Variants in SLC14A2 observed in about 807,000 individuals in gnomAD.
SLC14A2 encodes the protein solute carrier family 14 member 2, also known as urea transporter 2.
Under a neutral mutation model 104.6 loss-of-function variants are expected in SLC14A2, and 91 were observed. That is an observed-to-expected ratio of 0.87 (90% CI 0.73 to 1.04). SLC14A2 has a LOEUF of 1.04. Ranked by LOEUF, SLC14A2 falls within the 50% of genes least tolerant of loss-of-function variation. The pLI is 0.00. For missense variants in SLC14A2, 1,189 were observed against 1,156.0 expected (o/e 1.03, Z -0.41); for synonymous variants, 476 against 466.4 (o/e 1.02, Z -0.27).
intron 2 of SLC14A2, among the ~76,000 whole-genome samples, chr18:45,593,736 A>T (rs1193679164): frequency 6.6e-6 from 1 of 151,884 alleles, no homozygotes; most frequent in Non-Finnish European, 1.5e-5. Context: ...TGATCCGTCC[A>T]CCTCGGCCTC....
intron 1 of SLC14A2, among the ~76,000 whole-genome samples, chr18:45,275,928 T>A (rs1020623103): frequency 1.2e-4 from 18 of 152,276 alleles, no homozygotes; most frequent in South Asian, 2.1e-4. Flanking sequence ...AAACAGAGAA[T>A]TAAAGAATAA....
chr18:45,592,038 A>G (rs73953213), intron 2 of SLC14A2, among the ~76,000 whole-genome samples: 3,133 of 152,278 alleles, frequency 0.021, 117 homozygotes, highest in African/African-American at 0.072. Context: ...CTCTATACCC[A>G]TGGCAGGGCA....
At chr18:45,444,768 G>A (rs957623304) in intron 1 of SLC14A2, among the ~76,000 whole-genome samples, 23 of 152,328 alleles carry the variant, frequency 1.5e-4, no homozygotes, top group African/African-American at 4.8e-4. Flanking sequence ...GAGCCGCACA[G>A]GTAGGTGTGC....
rs1402393051 is a variant in SLC14A2 at position 45,680,865 on chromosome 18, T to G, written c.2563-1454T>G. Among the ~76,000 whole-genome samples the G allele has an allele frequency of 2.0e-5, 3 of 152,308 alleles. No individual in the cohort carries two copies. The East Asian group carries it at 5.8e-4, about 29-fold the overall frequency. On this transcript the variant is annotated intron_variant, in intron 19 of 19. Transcript: ENST00000255226. ...ACTCCAAGGGTGCTTCCCAAACACT[T>G]TGTGCAGTCTTAGTGGGGCTTTGGA...
In SLC14A2 at chr18:45,663,895, A is replaced by T. The variant is rs1208530596; in HGVS notation, c.1462A>T (p.Arg488Trp). 6.2e-7 allele frequency: 1 copy of T among 1,612,772 alleles called. No individual in the cohort carries two copies. Among genetic ancestry groups the T allele is most frequent in the Non-Finnish European group, 8.5e-7 (1 of 1,179,574 alleles). ...TCACATCGAGTGGTCATCCATTCGGAGGAGGAGCAAAGGTGTGCATGTCCT... is the reference window on the plus strand; with the variant it reads ...TCACATCGAGTGGTCATCCATTCGGTGGAGGAGCAAAGGTGTGCATGTCCT... ...VFHIEWSSIR[R>W]RSKVFGKGEH... Residue 488 changes from arginine to tryptophan, a missense_variant, in exon 11 of 20, where the codon AGG becomes TGG. By Grantham distance (101) the Arg-to-Trp change is moderately radical. Coordinates refer to ENST00000255226, the MANE Select transcript of SLC14A2 (RefSeq NM_007163.4).
chr18:45,659,079 C>A (rs1268085450), intron 10 of SLC14A2, among the ~76,000 whole-genome samples: 1 of 152,146 alleles, frequency 6.6e-6, no homozygotes, highest in African/African-American at 2.4e-5. Flanking sequence ...GAGGGGAGAG[C>A]AGCAGCTCCT....
At chr18:45,349,101 C>T (rs1319789509) in intron 1 of SLC14A2, among the ~76,000 whole-genome samples, 1 of 152,154 alleles carries the variant, frequency 6.6e-6, no homozygotes, top group African/African-American at 2.4e-5. Context: ...CATGTTCTGC[C>T]CAATTTCTCT....
intron 2 of SLC14A2, among the ~76,000 whole-genome samples, chr18:45,544,344 C>T (rs937452824): frequency 6.6e-6 from 1 of 152,150 alleles, no homozygotes; most frequent in African/African-American, 2.4e-5. Flanking sequence ...TTTGCTTTGT[C>T]AATTAGTGTA....
intron 1 of SLC14A2, among the ~76,000 whole-genome samples, chr18:45,379,389 C>T (rs1017862657): frequency 6.6e-6 from 1 of 152,156 alleles, no homozygotes; most frequent in African/African-American, 2.4e-5. Flanking sequence ...CTGTGTGTGG[C>T]CTTTCCCATG....
chr18:45,422,529 G>A (rs1476870132), intron 1 of SLC14A2, among the ~76,000 whole-genome samples: 20 of 152,146 alleles, frequency 1.3e-4, no homozygotes, highest in Non-Finnish European at 8.8e-5. Context: ...GCGTGGAGAG[G>A]ACTAGTGGAA....
At chr18:45,329,454 T>C (rs2085268406) in intron 1 of SLC14A2, among the ~76,000 whole-genome samples, 1 of 152,084 alleles carries the variant, frequency 6.6e-6, no homozygotes, top group African/African-American at 2.4e-5. Flanking sequence ...CCTCTACAAA[T>C]AGAAAAGACT....
At chr18:45,572,594 A>T (rs1245616943) in intron 2 of SLC14A2, among the ~76,000 whole-genome samples, 1 of 152,106 alleles carries the variant, frequency 6.6e-6, no homozygotes, top group African/African-American at 2.4e-5. Context: ...CTCACTATTC[A>T]TCTATCTGTA....
At position 45,626,941 on chromosome 18, in the gene SLC14A2, C is replaced by T. The variant is rs201326870; in HGVS notation, c.332-17C>T. On this transcript the variant is annotated splice_polypyrimidine_tract_variant and intron_variant, in intron 3 of 19. Transcript: ENST00000255226. ...CCAAGCTGGACCTGCTGATGGCTCG[C>T]TCTCTGTCTCTTTCAGACAAGCACC... 5.6e-6 allele frequency: 9 copies of T among 1,601,886 alleles called. No homozygotes were observed. The East Asian group carries it at 2.0e-4, about 36-fold the overall frequency.
At chr18:45,178,699 CT>C in the SLC14A2 span, among the ~76,000 whole-genome samples, 22 of 152,254 alleles carry the variant, frequency 1.4e-4, no homozygotes, top group East Asian at 3.3e-3. Context: ...ATAATTACTG[CT>C]GCATGGAATA....
At chr18:45,245,665 T>C (rs1038861110) in intron 1 of SLC14A2, among the ~76,000 whole-genome samples, 30 of 151,422 alleles carry the variant, frequency 2.0e-4, no homozygotes, top group African/African-American at 7.3e-4. Context: ...GAAGGGAAGG[T>C]GTTTTCAGTA....
intron 1 of SLC14A2, among the ~76,000 whole-genome samples, chr18:45,371,782 GATT>G (rs1402041587): frequency 6.6e-6 from 1 of 152,162 alleles, no homozygotes; most frequent in East Asian, 1.9e-4. Context: ...CTTCATATCT[GATT>G]ATTTTCTTTA....
chr18:45,351,201 C>T (rs1014222678), intron 1 of SLC14A2, among the ~76,000 whole-genome samples: 1 of 152,078 alleles, frequency 6.6e-6, no homozygotes, highest in Non-Finnish European at 1.5e-5. Context: ...AGGAAAGGGA[C>T]CTTATATGAG....
chr18:45,201,674 C>G, the SLC14A2 span, among the ~76,000 whole-genome samples: 1 of 151,914 alleles, frequency 6.6e-6, no homozygotes, highest in Non-Finnish European at 1.5e-5. Flanking sequence ...TCCAAGGAGT[C>G]TTTGTTTGTT....
intron 2 of SLC14A2, among the ~76,000 whole-genome samples, chr18:45,534,562 T>C (rs2043751810): frequency 6.6e-6 from 1 of 152,038 alleles, no homozygotes; most frequent in South Asian, 2.1e-4. Flanking sequence ...ATAATAATAA[T>C]AACAATGTAG....
Sources: allele counts gnomAD v4.1 joint callset (sites outside exome capture counted in the v4.1 genomes callset), GRCh38; gene constraint gnomAD v4.1.1; transcripts MANE v1.5; gene names NCBI Gene and HGNC (gene_info 2026-07-23, HGNC 2026-07-21).